PRKN: variants seen among roughly 807,000 people sequenced by gnomAD.
PRKN encodes the protein parkin RBR E3 ubiquitin protein ligase, also known as E3 ubiquitin-protein ligase parkin.
A neutral mutation model predicts 59.5 loss-of-function variants in PRKN; 56 were observed. The ratio of observed to expected loss-of-function variants is 0.94; its 90% confidence interval spans 0.76 to 1.18. The LOEUF is 1.18. PRKN is among the 50% of genes most tolerant of loss of function. The probability of loss-of-function intolerance (pLI) is 0.00; values close to 1 mark genes in which losing one functional copy is unlikely to be tolerated. For synonymous variants in PRKN, 250 were observed against 222.1 expected, an observed-to-expected ratio of 1.13 and a Z score of -1.12; for missense variants, 657 against 596.4, an observed-to-expected ratio of 1.10 and a Z score of -1.06.
chr6:161,879,424 T>G (rs1794850051), intron 6 of PRKN, among the ~76,000 whole-genome samples: 1 of 147,994 alleles, frequency 6.8e-6, no homozygotes, highest in African/African-American at 2.5e-5. Flanking sequence ...CTTGGCTCAC[T>G]GCAACCTCCG....
intron 1 of PRKN, among the ~76,000 whole-genome samples, chr6:162,675,462 T>C (rs1779507671): frequency 6.6e-6 from 1 of 152,184 alleles, no homozygotes; most frequent in Non-Finnish European, 1.5e-5. Flanking sequence ...AGAGGTCATC[T>C]GTGTAATAGA....
chr6:161,721,533 T>C (rs1562632057), intron 7 of PRKN, among the ~76,000 whole-genome samples: 1 of 152,122 alleles, frequency 6.6e-6, no homozygotes. Flanking sequence ...CTTGATAAAA[T>C]AATAAAAAGT....
chr6:162,009,606 CCTTCACAGGCACACAGGA>C (rs1234029127), intron 5 of PRKN, among the ~76,000 whole-genome samples: 1 of 151,768 alleles, frequency 6.6e-6, no homozygotes, highest in East Asian at 1.9e-4. Context: ...TAAAAATTGC[CCTTCACAGGCACACAGGA>C]TGCATGCAGT....
In PRKN at chr6:162,381,203, T is replaced by C. The variant is rs111564445; in HGVS notation, c.171+62107A>G. Among the ~76,000 whole-genome samples, 1,096 of 152,300 alleles carry C rather than the reference T, an allele frequency of 7.2e-3. 10 individuals carry two copies. Among genetic ancestry groups the C allele is most frequent in the African/African-American group, 0.025 (1,028 of 41,562 alleles). On this transcript the variant is annotated intron_variant, in intron 2 of 11. Coordinates refer to ENST00000366898, the MANE Select transcript of PRKN (RefSeq NM_004562.3). ...ATCGTCTCCATTGGAAGACAGTTCC[T>C]GATGTTTCCTAAAGTTCTCTTTACT...
chr6:161,879,025 G>A (rs1011072513), intron 6 of PRKN, among the ~76,000 whole-genome samples: 2 of 152,032 alleles, frequency 1.3e-5, no homozygotes, highest in Non-Finnish European at 2.9e-5. Context: ...TTTCAGCCTA[G>A]GCAGGAATTT....
At chr6:162,536,319 A>C (rs1017063845) in intron 1 of PRKN, among the ~76,000 whole-genome samples, 2 of 152,142 alleles carry the variant, frequency 1.3e-5, no homozygotes, top group African/African-American at 2.4e-5. Flanking sequence ...TTCTATTCTA[A>C]GGGTCCAGAA....
At chr6:162,408,638 TAC>T (rs1230012636) in intron 2 of PRKN, among the ~76,000 whole-genome samples, 1 of 152,170 alleles carries the variant, frequency 6.6e-6, no homozygotes, top group Non-Finnish European at 1.5e-5. Flanking sequence ...AATTTACACA[TAC>T]AGAGTTGACT....
At position 161,813,672 on chromosome 6, in the gene PRKN, AG is replaced by A. The variant is rs1791653708; in HGVS notation, c.735-27765del. Among the ~76,000 whole-genome samples, 3 of 152,292 alleles carry A rather than the reference AG, an allele frequency of 2.0e-5. No individual in the cohort carries two copies. In the South Asian group the frequency reaches 6.2e-4, roughly 32 times the overall value. ...TTGGGCCCTTGGGGCTGTACCCACA[AG>A]GCTCCCCTGATCTCTGGCTGCCAGC... On this transcript the variant is annotated intron_variant, in intron 6 of 11. Transcript: ENST00000366898.
intron 2 of PRKN, among the ~76,000 whole-genome samples, chr6:162,424,967 G>A (rs143152840): frequency 1.3e-5 from 2 of 152,066 alleles, no homozygotes; most frequent in East Asian, 3.9e-4. Context: ...TAGGAGATGG[G>A]TGTCTTAGCC....
chr6:162,396,495 T>G (rs1390928379), intron 2 of PRKN, among the ~76,000 whole-genome samples: 2 of 152,122 alleles, frequency 1.3e-5, no homozygotes, highest in Non-Finnish European at 2.9e-5. Context: ...CCTTTGTGAC[T>G]GTGGCAACTT....
At chr6:161,884,100 T>A (rs1478726873) in intron 6 of PRKN, among the ~76,000 whole-genome samples, 2 of 152,214 alleles carry the variant, frequency 1.3e-5, no homozygotes, top group African/African-American at 4.8e-5. Flanking sequence ...CTAACTTACT[T>A]GGTTGGTTAT....
intron 7 of PRKN, among the ~76,000 whole-genome samples, chr6:161,630,649 T>G (rs144236605): frequency 6.6e-6 from 1 of 152,180 alleles, no homozygotes; most frequent in African/African-American, 2.4e-5. Flanking sequence ...CTTTAAGTTA[T>G]GGCGCTCTCT....
intron 6 of PRKN, among the ~76,000 whole-genome samples, chr6:161,838,729 G>C (rs536008993): frequency 6.6e-6 from 1 of 152,360 alleles, no homozygotes; most frequent in African/African-American, 2.4e-5. Flanking sequence ...ATACTGCAGG[G>C]AGGAGACACA....
intron 1 of PRKN, among the ~76,000 whole-genome samples, chr6:162,716,671 T>C (rs1324643608): frequency 2.0e-5 from 3 of 152,158 alleles, no homozygotes; most frequent in African/African-American, 7.2e-5. Flanking sequence ...TATTCACACC[T>C]TCTTTTGCCA....
chr6:162,202,213 A>C (rs535674854), intron 3 of PRKN, among the ~76,000 whole-genome samples: 1 of 152,042 alleles, frequency 6.6e-6, no homozygotes, highest in Non-Finnish European at 1.5e-5. Context: ...TTTTTTTTTA[A>C]CATTTGGAAT....
chr6:162,398,932 C>T (rs1787623137), intron 2 of PRKN, among the ~76,000 whole-genome samples: 1 of 152,216 alleles, frequency 6.6e-6, no homozygotes, highest in Non-Finnish European at 1.5e-5. Context: ...GAAAAAGAAA[C>T]TGAAGATGTA....
rs1228461648 is a variant in PRKN, at chr6:161,498,944, G to A, written c.1083+49910C>T. Among the ~76,000 whole-genome samples, 2 of 151,826 alleles carry A rather than the reference G, an allele frequency of 1.3e-5. No homozygotes were observed. The highest frequency in any genetic ancestry group is 4.2e-4 in the South Asian group (2 of 4,814). The stretch of plus-strand genomic sequence containing the variant: ...GATGGGGTGAGTGTGTGTGTATGGG[G>A]ATGGGGGAGGATTGAGATTCTTCTT... On this transcript the variant is annotated intron_variant, in intron 9 of 11. Coordinates refer to ENST00000366898, the MANE Select transcript of PRKN (RefSeq NM_004562.3). This position sits in a 1 kb window ranked among gnomAD's most constrained non-coding sequence, Gnocchi z 4.2.
chr6:162,454,633 G>A (rs896495067), intron 1 of PRKN, among the ~76,000 whole-genome samples: 11 of 152,156 alleles, frequency 7.2e-5, no homozygotes, highest in African/African-American at 2.4e-4. Context: ...GAGGGTATAT[G>A]GGACGTGCCA....
intron 2 of PRKN, among the ~76,000 whole-genome samples, chr6:162,295,275 G>C (rs1781616452): frequency 6.6e-6 from 1 of 152,144 alleles, no homozygotes; most frequent in African/African-American, 2.4e-5. Context: ...TGTCCACTTA[G>C]GGCCAAAATA....
Sources: allele counts gnomAD v4.1 joint callset (sites outside exome capture counted in the v4.1 genomes callset), GRCh38; gene constraint gnomAD v4.1.1; non-coding constraint Gnocchi (gnomAD v3.1); transcripts MANE v1.5; gene names NCBI Gene and HGNC (gene_info 2026-07-23, HGNC 2026-07-21).